The following NKAIN2 variants were observed in gnomAD, a reference collection of about 807,000 sequenced individuals.
The protein encoded by NKAIN2 is sodium/potassium transporting ATPase interacting 2.
A neutral mutation model predicts 32.6 loss-of-function variants in NKAIN2; 14 were observed. The ratio of observed to expected loss-of-function variants is 0.43; its 90% CI spans 0.28 to 0.67. The LOEUF is 0.67. Ranked by LOEUF, NKAIN2 falls within the 30% of genes least tolerant of loss-of-function variation. The pLI is 0.17. For synonymous variants in NKAIN2, 80 were observed against 87.2 expected (o/e 0.92, Z 0.46); for missense variants, 198 against 258.3 (o/e 0.77, Z 1.60).
chr6:124,681,007 C>G (rs911932606), intron 4 of NKAIN2, among the ~76,000 whole-genome samples: 3 of 151,546 alleles, frequency 2.0e-5, no homozygotes, highest in African/African-American at 7.3e-5. Context: ...TAGTTAATCC[C>G]ATTCTAAATA....
chr6:124,815,225 C>CATACATATATATAT (rs1554268823), intron 5 of NKAIN2, among the ~76,000 whole-genome samples: 12 of 136,998 alleles, frequency 8.8e-5, no homozygotes, highest in Non-Finnish European at 1.6e-4. Flanking sequence ...TATATATATA[C>CATACATATATATAT]ATATATATAT....
At chr6:124,627,822 C>T (rs1034539371) in intron 3 of NKAIN2, among the ~76,000 whole-genome samples, 14 of 152,220 alleles carry the variant, frequency 9.2e-5, no homozygotes, top group South Asian at 4.1e-4. Flanking sequence ...ACCCCCACGG[C>T]GACATTCCAG....
At chr6:124,778,092 G>A (rs756983510) in intron 4 of NKAIN2, among the ~76,000 whole-genome samples, 2 of 152,010 alleles carry the variant, frequency 1.3e-5, no homozygotes, top group Non-Finnish European at 2.9e-5. Context: ...TTTTCTGGGA[G>A]AACAAGTGAT....
chr6:123,957,208 A>T (rs73773028), intron 1 of NKAIN2, among the ~76,000 whole-genome samples: 1 of 152,164 alleles, frequency 6.6e-6, no homozygotes, highest in Non-Finnish European at 1.5e-5. Context: ...CATAGTATAC[A>T]AAAATATTTT....
chr6:124,281,403 T>A lies in NKAIN2; in HGVS notation c.55-1602T>A, dbSNP rs55667845. ...AAATGGGTCTCATTTCTACAAAACG[T>A]TAACTATATGAGAAAGTTGAAGGAA... On this transcript the variant is annotated intron_variant, in intron 1 of 6. Coordinates refer to ENST00000368417, the MANE Select transcript of NKAIN2 (RefSeq NM_001040214.3). Among the ~76,000 whole-genome samples the A allele has an allele frequency of 6.1e-3, 926 of 152,316 alleles. 10 individuals are homozygous for A. Among genetic ancestry groups the A allele is most frequent in the African/African-American group, 0.021 (873 of 41,568 alleles).
chr6:123,812,196 C>T (rs1468897900), intron 1 of NKAIN2, among the ~76,000 whole-genome samples: 1 of 152,124 alleles, frequency 6.6e-6, no homozygotes, highest in East Asian at 1.9e-4. Context: ...TCTGATATCC[C>T]CTATTAATCT....
chr6:124,028,887 G>GTATA (rs77593596), intron 1 of NKAIN2, among the ~76,000 whole-genome samples: 1 of 44,716 alleles, frequency 2.2e-5, no homozygotes, highest in African/African-American at 4.6e-5. Flanking sequence ...ATATATATGT[G>GTATA]TATATATATA....
intron 1 of NKAIN2, among the ~76,000 whole-genome samples, chr6:124,227,027 T>G (rs1792151699): frequency 6.6e-6 from 1 of 151,172 alleles, no homozygotes; most frequent in Non-Finnish European, 1.5e-5. Context: ...TTGTGCGATT[T>G]GCTCTTGGAA....
chr6:123,999,661 T>G (rs1689550779), intron 1 of NKAIN2, among the ~76,000 whole-genome samples: 1 of 152,206 alleles, frequency 6.6e-6, no homozygotes, highest in Non-Finnish European at 1.5e-5. Context: ...AATATAGTAC[T>G]GCTTTTATTT....
intron 4 of NKAIN2, among the ~76,000 whole-genome samples, chr6:124,660,326 T>C (rs1163070200): frequency 6.6e-6 from 1 of 152,206 alleles, no homozygotes; most frequent in Non-Finnish European, 1.5e-5. Flanking sequence ...TATGTGTGTA[T>C]GTGTGCGTAA....
intron 1 of NKAIN2, among the ~76,000 whole-genome samples, chr6:124,119,813 A>G (rs988760946): frequency 2.0e-5 from 3 of 152,308 alleles, no homozygotes; most frequent in African/African-American, 7.2e-5. Context: ...CCTGGAGCTC[A>G]GACTGGGCTC....
chr6:124,028,758 A>C (rs73561042), intron 1 of NKAIN2, among the ~76,000 whole-genome samples: 11,816 of 141,470 alleles, frequency 0.084, 1,348 homozygotes, highest in African/African-American at 0.3. Flanking sequence ...TATATATACA[A>C]GTATATAAGT....
intron 1 of NKAIN2, among the ~76,000 whole-genome samples, chr6:124,065,721 A>G (rs767410658): frequency 6.6e-6 from 1 of 152,152 alleles, no homozygotes; most frequent in Non-Finnish European, 1.5e-5. Context: ...AAAGGAGCAC[A>G]AATGGATAAG....
intron 1 of NKAIN2, among the ~76,000 whole-genome samples, chr6:123,981,333 TG>T (rs1778888036): frequency 6.6e-6 from 1 of 151,948 alleles, no homozygotes; most frequent in African/African-American, 2.4e-5. Flanking sequence ...GTTTAACCAG[TG>T]CTGGAAAAAA....
intron 1 of NKAIN2, among the ~76,000 whole-genome samples, chr6:123,906,361 G>T (rs1172643746): frequency 6.6e-6 from 1 of 151,556 alleles, no homozygotes; most frequent in Non-Finnish European, 1.5e-5. Flanking sequence ...TGGCTCACTG[G>T]CTCACTGCGG....
intron 1 of NKAIN2, among the ~76,000 whole-genome samples, chr6:123,859,619 C>G (rs535237737): frequency 9.8e-4 from 150 of 152,300 alleles, no homozygotes; most frequent in African/African-American, 3.5e-3. Context: ...TTATCTACCC[C>G]CTGTTTCATC....
At chr6:123,953,542 G>C (rs759789012) in intron 1 of NKAIN2, among the ~76,000 whole-genome samples, 2 of 152,114 alleles carry the variant, frequency 1.3e-5, no homozygotes, top group Non-Finnish European at 2.9e-5. Flanking sequence ...CCAGTCCTCG[G>C]ACCTATAGAT....
chr6:123,946,184 A>T (rs954079599), intron 1 of NKAIN2, among the ~76,000 whole-genome samples: 18 of 152,150 alleles, frequency 1.2e-4, no homozygotes, highest in Admixed American at 7.9e-4. Flanking sequence ...AGCAGAGTGA[A>T]GTATTTATCT....
At position 123,809,148 on chromosome 6, in the gene NKAIN2, C is replaced by G. The variant is rs1773345892; in HGVS notation, c.54+4894C>G. 2.0e-5 allele frequency among the ~76,000 whole-genome samples: 3 copies of G among 152,018 alleles called. No individual in the cohort carries two copies. In the South Asian group the frequency reaches 6.2e-4, roughly 31 times the overall value. On this transcript the variant is annotated intron_variant, in intron 1 of 6. Coordinates refer to ENST00000368417, the MANE Select transcript of NKAIN2 (RefSeq NM_001040214.3). ...AATATTGCTATTAATGGAAATTACC[C>G]TATTTCCAATAACATACAAATGTCA...
Sources: gnomAD v4.1 joint callset for allele counts (sites outside exome capture counted in the v4.1 genomes callset) on GRCh38, gnomAD v4.1.1 for gene constraint, MANE v1.5 for transcripts, NCBI Gene and HGNC (gene_info 2026-07-23, HGNC 2026-07-21) for gene names.